RBM47: variants seen among roughly 807,000 people sequenced by gnomAD.
The protein encoded by RBM47 is RNA-binding protein 47.
In RBM47, 21 loss-of-function variants were observed where a neutral mutation model predicts 47.1. That is an observed-to-expected ratio of 0.45 (90% confidence interval 0.32 to 0.64). RBM47 has a LOEUF of 0.64. RBM47 is among the 30% of genes least tolerant of loss of function. The pLI is 0.05. For missense variants in RBM47, 708 were observed against 870.9 expected (o/e 0.81, Z 2.35); for synonymous variants, 375 against 361.7 (o/e 1.04, Z -0.42).
chr4:40,596,300 C>T (rs1014640382), intron 1 of RBM47, among the ~76,000 whole-genome samples: 4 of 152,204 alleles, frequency 2.6e-5, no homozygotes, highest in Admixed American at 2.0e-4. Flanking sequence ...TGGATCATTC[C>T]TGATCTCCTG....
At chr4:40,574,376 G>A (rs17513191) in intron 1 of RBM47, among the ~76,000 whole-genome samples, 46,031 of 152,132 alleles carry the variant, frequency 0.3, 7,194 homozygotes, top group Admixed American at 0.37. Context: ...GGGGACACCC[G>A]ACTGAGACAA....
chr4:40,530,777 T>A (rs28530592), intron 2 of RBM47, among the ~76,000 whole-genome samples: 2,357 of 152,304 alleles, frequency 0.015, 79 homozygotes, highest in African/African-American at 0.054. Context: ...AGGACTCTTT[T>A]TCCTTTGAAC....
chr4:40,512,606 T>C (rs1420867098), intron 2 of RBM47, among the ~76,000 whole-genome samples: 2 of 149,614 alleles, frequency 1.3e-5, no homozygotes, highest in African/African-American at 4.9e-5. Flanking sequence ...TCCCAGCTAC[T>C]TGGGAGGCTG....
In RBM47 at chr4:40,438,809, C is replaced by T. The variant is rs1470836358; in HGVS notation, c.85G>A (p.Ala29Thr). 1.3e-6 allele frequency: 2 copies of T among 1,544,410 alleles called. No individual in the cohort carries two copies. The highest frequency in any genetic ancestry group is 2.4e-5 in the East Asian group (1 of 41,650). ...GCCAGCAGTGCTGCCTCGTTGGGCG[C>T]GCCCGCCACGCCCTCGGGCACCTTG... Reference protein sequence around the residue: ...SAKVPEGVAGAPNEAALLALM... With the variant: ...SAKVPEGVAGTPNEAALLALM... Residue 29 changes from alanine to threonine, a missense_variant, in exon 4 of 7, where the codon GCG becomes ACG. Coordinates refer to ENST00000295971, the MANE Select transcript of RBM47 (RefSeq NM_001098634.2).
chr4:40,593,857 C>T (rs11935743), intron 1 of RBM47, among the ~76,000 whole-genome samples: 37,600 of 144,448 alleles, frequency 0.26, 5,249 homozygotes, highest in Admixed American at 0.32. Flanking sequence ...ACACTCCAGC[C>T]TGGGTGACCA....
chr4:40,566,560 G>A (rs1002157420), intron 1 of RBM47, among the ~76,000 whole-genome samples: 3 of 151,938 alleles, frequency 2.0e-5, no homozygotes, highest in South Asian at 2.1e-4. Context: ...CAGAGGAATC[G>A]CTTGAATCTG....
At chr4:40,491,140 T>A (rs769041885) in intron 2 of RBM47, among the ~76,000 whole-genome samples, 1 of 152,060 alleles carries the variant, frequency 6.6e-6, no homozygotes, top group Non-Finnish European at 1.5e-5. Context: ...GGACAATAGA[T>A]TCGAAATGAG....
intron 1 of RBM47, among the ~76,000 whole-genome samples, chr4:40,553,925 G>A (rs1327175751): frequency 1.3e-5 from 2 of 152,118 alleles, no homozygotes; most frequent in African/African-American, 4.8e-5. Flanking sequence ...GTAAAATAGG[G>A]CCTTCGTCGT....
chr4:40,507,341 C>G lies in RBM47; in HGVS notation c.-155+37081G>C, dbSNP rs532851435. ...TCAGTAATTCTCACTTGAAATTCACCTAACTTTCTTATGATGATTAAATAT... is the reference window on the plus strand; with the variant it reads ...TCAGTAATTCTCACTTGAAATTCACGTAACTTTCTTATGATGATTAAATAT... On this transcript the variant is annotated intron_variant, in intron 2 of 6. Transcript: ENST00000295971. Among the ~76,000 whole-genome samples the G allele has an allele frequency of 9.0e-4, 74 of 82,114 alleles. 1 individual carries two copies. Among genetic ancestry groups the G allele is most frequent in the African/African-American group, 3.8e-3 (64 of 16,992 alleles). The allele number at this position is 82,114 out of a possible 152,430, so 53.9% of individuals were successfully genotyped here.
intron 5 of RBM47, among the ~76,000 whole-genome samples, chr4:40,436,195 CAAACAAACAAA>C (rs1712358230): frequency 2.2e-5 from 1 of 46,354 alleles, no homozygotes; most frequent in African/African-American, 5.7e-5. Flanking sequence ...AACAAACAAA[CAAACAAACAAA>C]AAAAAACCTT....
chr4:40,553,875 C>T (rs62304572), intron 1 of RBM47, among the ~76,000 whole-genome samples: 4 of 152,186 alleles, frequency 2.6e-5, no homozygotes, highest in Non-Finnish European at 4.4e-5. Context: ...TGGCCAGCAA[C>T]CTCTACTAAG....
intron 1 of RBM47, among the ~76,000 whole-genome samples, chr4:40,615,457 C>T (rs936030728): frequency 4.6e-5 from 7 of 152,008 alleles, no homozygotes; most frequent in Non-Finnish European, 1.0e-4. Context: ...ACACCTTATA[C>T]AGCTCTTCAC....
At chr4:40,624,911 G>A (rs1737597724) in intron 1 of RBM47, among the ~76,000 whole-genome samples, 1 of 1,384 alleles carries the variant, frequency 7.2e-4, no homozygotes, top group South Asian at 0.25. Flanking sequence ...GAGTGCAGTG[G>A]CGCGATCAGC....
Position 40,438,927 on chromosome 4 carries a change from G to A in RBM47, c.-31-3C>T, listed in dbSNP as rs1346398512. 9.3e-6 allele frequency: 14 copies of A among 1,497,330 alleles called. No individual in the cohort carries two copies. The highest frequency in any genetic ancestry group is 1.2e-5 in the Non-Finnish European group (14 of 1,125,724). The allele number at this position is 1,497,330 out of a possible 1,614,324, so 92.8% of individuals were successfully genotyped here. A position where few individuals can be genotyped will look rare whatever the true frequency, so the allele number is the denominator to read the frequency against. On this transcript the variant is annotated splice_region_variant and splice_polypyrimidine_tract_variant and intron_variant, in intron 3 of 6. Transcript: ENST00000295971. ...AGGCATCCACAGCTGGCGGAAACCT[G>A]GGGAAGCAGAAAGAAGCGTGAGTGG...
intron 1 of RBM47, among the ~76,000 whole-genome samples, chr4:40,623,204 T>C (rs745588725): frequency 6.6e-6 from 1 of 152,134 alleles, no homozygotes; most frequent in Admixed American, 6.5e-5. Context: ...CAAACTGACA[T>C]ATACCTTGAG....
chr4:40,593,162 T>C (rs1430783492), intron 1 of RBM47, among the ~76,000 whole-genome samples: 1 of 133,000 alleles, frequency 7.5e-6, no homozygotes, highest in Non-Finnish European at 1.7e-5. Context: ...GCCAGGCTAA[T>C]TTTTTTTTTG....
At chr4:40,429,566 T>C (rs1715573942) in intron 6 of RBM47, among the ~76,000 whole-genome samples, 1 of 151,376 alleles carries the variant, frequency 6.6e-6, no homozygotes, top group Non-Finnish European at 1.5e-5. Context: ...GGGAGAAACA[T>C]TTACCCATCC....
At chr4:40,591,236 G>C (rs932448982) in intron 1 of RBM47, among the ~76,000 whole-genome samples, 31 of 152,142 alleles carry the variant, frequency 2.0e-4, no homozygotes, top group Admixed American at 2.0e-3. Flanking sequence ...GTCTCCTTGG[G>C]GGGTGATGAA....
intron 1 of RBM47, among the ~76,000 whole-genome samples, chr4:40,553,504 C>T (rs1729778201): frequency 6.6e-6 from 1 of 152,072 alleles, no homozygotes; most frequent in South Asian, 2.1e-4. Flanking sequence ...CACCATGTTG[C>T]CAGGCAGGTC....
Sources: gnomAD v4.1 joint callset for allele counts (sites outside exome capture counted in the v4.1 genomes callset) on GRCh38, gnomAD v4.1.1 for gene constraint, MANE v1.5 for transcripts, NCBI Gene and HGNC (gene_info 2026-07-23, HGNC 2026-07-21) for gene names.